Variants in MAP4K3 observed in about 807,000 individuals in gnomAD.
MAP4K3 encodes MAPK/ERK kinase kinase kinase 3.
A neutral mutation model predicts 143.5 loss-of-function variants in MAP4K3; 94 were observed. The ratio of observed to expected loss-of-function variants is 0.65; its 90% CI spans 0.55 to 0.78. The LOEUF (loss-of-function observed/expected upper bound fraction) is 0.78. MAP4K3 is among the 30% of genes least tolerant of loss of function. The pLI, the probability that MAP4K3 is intolerant of heterozygous loss-of-function variation, is 0.00. For synonymous variants in MAP4K3, 416 were observed against 347.2 expected (o/e 1.20, Z -2.20); for missense variants, 1,077 against 1,068.1 (o/e 1.01, Z -0.12).
intron 13 of MAP4K3, among the ~76,000 whole-genome samples, chr2:39,311,472 T>G (rs1426831758): frequency 6.6e-6 from 1 of 152,238 alleles, no homozygotes; most frequent in Non-Finnish European, 1.5e-5. Flanking sequence ...CAGTGACTCC[T>G]GCCTCTTGGT....
At chr2:39,433,390 CA>C (rs952286152) in intron 1 of MAP4K3, among the ~76,000 whole-genome samples, 1 of 151,902 alleles carries the variant, frequency 6.6e-6, no homozygotes, top group African/African-American at 2.4e-5. Context: ...TTCTTTCTAG[CA>C]AAAAATCTAG....
intron 16 of MAP4K3, among the ~76,000 whole-genome samples, chr2:39,296,109 T>C (rs1192365696): frequency 1.3e-5 from 2 of 152,200 alleles, no homozygotes; most frequent in African/African-American, 4.8e-5. Flanking sequence ...AAAAAGCAGA[T>C]AGCCCATGGC....
At chr2:39,388,274 A>T (rs1382824898) in intron 1 of MAP4K3, among the ~76,000 whole-genome samples, 2 of 152,210 alleles carry the variant, frequency 1.3e-5, no homozygotes, top group Non-Finnish European at 2.9e-5. Context: ...CCAAGATTTC[A>T]CTTTTGGAAA....
intron 2 of MAP4K3, among the ~76,000 whole-genome samples, chr2:39,376,175 G>A (rs1411705344): frequency 1.3e-5 from 2 of 152,142 alleles, no homozygotes; most frequent in Non-Finnish European, 2.9e-5. Flanking sequence ...CACCAGCTGT[G>A]TATGAGGGTT....
Position 39,312,239 on chromosome 2 carries a change from G to A in MAP4K3, c.998-2720C>T, listed in dbSNP as rs1455880752. On this transcript the variant is annotated intron_variant, in intron 13 of 33. Transcript: ENST00000263881. ...TTCTTTGCTTTCTAATGTATTGAAT[G>A]TTTCAGTATCTTTACCTTTTATTTC... is the stretch of plus-strand genomic sequence containing the variant. 4.6e-5 allele frequency among the ~76,000 whole-genome samples: 7 copies of A among 152,026 alleles called. No homozygotes were observed. The East Asian group carries it at 1.3e-3, about 29-fold the overall frequency.
At chr2:39,262,139 G>C (rs1680594954) in intron 28 of MAP4K3, among the ~76,000 whole-genome samples, 1 of 152,058 alleles carries the variant, frequency 6.6e-6, no homozygotes, top group African/African-American at 2.4e-5. Flanking sequence ...GAAGCTACTG[G>C]ATTTGATTTG....
intron 3 of MAP4K3, among the ~76,000 whole-genome samples, chr2:39,345,232 G>C (rs1421678219): frequency 6.7e-6 from 1 of 149,774 alleles, no homozygotes; most frequent in East Asian, 2.0e-4. Context: ...AAAAAAGTTA[G>C]CCAGGAGAAG....
At chr2:39,258,309 G>C (rs762665786) in intron 31 of MAP4K3, 39 bp downstream of exon 31, 2 of 1,223,520 alleles carry the variant, frequency 1.6e-6, no homozygotes, top group Admixed American at 4.4e-5. Context: ...ATTATTTTAA[G>C]GAGTTCATAA....
At chr2:39,330,473 G>C (rs1396572748) in intron 8 of MAP4K3, among the ~76,000 whole-genome samples, 1 of 152,104 alleles carries the variant, frequency 6.6e-6, no homozygotes, top group East Asian at 1.9e-4. Context: ...CACACAAAAA[G>C]GAAGGAGTAC....
At chr2:39,377,880 G>A (rs1299772603) in intron 2 of MAP4K3, among the ~76,000 whole-genome samples, 186 bp downstream of exon 2, 1 of 152,132 alleles carries the variant, frequency 6.6e-6, no homozygotes, top group African/African-American at 2.4e-5. Flanking sequence ...TACTTTTCAG[G>A]GAAGAACTGA....
chr2:39,432,095 G>C (rs1039467030), intron 1 of MAP4K3, among the ~76,000 whole-genome samples: 1 of 152,130 alleles, frequency 6.6e-6, no homozygotes, highest in African/African-American at 2.4e-5. Flanking sequence ...TAAATACCAA[G>C]TACCAAGCCT....
intron 2 of MAP4K3, among the ~76,000 whole-genome samples, chr2:39,376,818 T>TA (rs1443899493): frequency 6.6e-6 from 1 of 152,206 alleles, no homozygotes; most frequent in African/African-American, 2.4e-5. Flanking sequence ...GCTTAATGAT[T>TA]AAAAATGAAG....
chr2:39,321,639 C>T (rs1402352883), intron 12 of MAP4K3, among the ~76,000 whole-genome samples: 1 of 152,098 alleles, frequency 6.6e-6, no homozygotes, highest in Admixed American at 6.5e-5. Context: ...GCAGTTGAGA[C>T]AAGAGGAAGG....
intron 15 of MAP4K3, among the ~76,000 whole-genome samples, chr2:39,305,082 A>AT (rs1682653497): frequency 6.6e-6 from 1 of 152,194 alleles, no homozygotes; most frequent in East Asian, 1.9e-4. Flanking sequence ...TTATTGTTTA[A>AT]TGAGTATAGA....
chr2:39,309,095 CTTTT>C (rs1682842639), intron 14 of MAP4K3, among the ~76,000 whole-genome samples: 1 of 151,696 alleles, frequency 6.6e-6, no homozygotes. Flanking sequence ...AATTACTTAC[CTTTT>C]TGTTTCCCAC....
chr2:39,435,532 C>G (rs746962591), intron 1 of MAP4K3, among the ~76,000 whole-genome samples: 3 of 152,178 alleles, frequency 2.0e-5, no homozygotes, highest in Non-Finnish European at 2.9e-5. Context: ...AGGCGATGAG[C>G]GTCTGATACC....
intron 15 of MAP4K3, among the ~76,000 whole-genome samples, chr2:39,306,611 G>A (rs1682714604): frequency 6.6e-6 from 1 of 152,030 alleles, no homozygotes; most frequent in Non-Finnish European, 1.5e-5. Context: ...CTTCCTCTTT[G>A]ATAATTTAAA....
At chr2:39,352,339 T>C (rs900128882) in intron 3 of MAP4K3, among the ~76,000 whole-genome samples, 6 of 152,124 alleles carry the variant, frequency 3.9e-5, no homozygotes, top group African/African-American at 1.2e-4. Context: ...CTAAGCTTTA[T>C]TGAGTTCAAG....
rs542266560 is a variant in MAP4K3, at chr2:39,437,261, G to C, written c.-274C>G. 1.9e-5 allele frequency: 5 copies of C among 257,552 alleles called. No homozygotes were observed. The highest frequency in any genetic ancestry group is 1.5e-4 in the South Asian group (1 of 6,454). 16.0% of individuals were successfully genotyped at this position (257,552 alleles called of 1,614,324 possible). ...GGAGAACCCTCGCAGCCCCTCGCTC[G>C]GGGTGAAACTCCAACATGGCTTCCG... On this transcript the variant is annotated 5_prime_UTR_variant, in exon 1 of 34. Coordinates refer to ENST00000263881, the MANE Select transcript of MAP4K3 (RefSeq NM_003618.4).
Sources: allele counts gnomAD v4.1 joint callset (sites outside exome capture counted in the v4.1 genomes callset), GRCh38; gene constraint gnomAD v4.1.1; transcripts MANE v1.5; gene names NCBI Gene and HGNC (gene_info 2026-07-23, HGNC 2026-07-21).